Variants in R3HDM2 observed in about 807,000 individuals in gnomAD.
R3HDM2 encodes the protein R3H domain-containing protein 2.
A neutral mutation model predicts 124.5 loss-of-function variants in R3HDM2; 38 were observed. That is an observed-to-expected ratio of 0.31 (90% CI 0.24 to 0.40). The LOEUF is 0.40. Ranked by LOEUF, R3HDM2 falls within the 10% of genes least tolerant of loss-of-function variation. R3HDM2 has a pLI of 1.00. For synonymous variants in R3HDM2, 391 were observed against 448.0 expected, an observed-to-expected ratio of 0.87 and a Z score of 1.61; for missense variants, 869 against 1,236.9, an observed-to-expected ratio of 0.70 and a Z score of 4.46.
chr12:57,408,946 C>G (rs1427147491), intron 1 of R3HDM2, among the ~76,000 whole-genome samples: 1 of 151,570 alleles, frequency 6.6e-6, no homozygotes, highest in African/African-American at 2.4e-5. Context: ...TTCCACGATG[C>G]CTTTCTATAT....
chr12:57,280,240 G>A, intron 14 of R3HDM2, 118 bp downstream of exon 14: 2 of 1,060,200 alleles, frequency 1.9e-6, no homozygotes. Flanking sequence ...GGGGGAGAGA[G>A]TGGCATGTCT....
At chr12:57,305,155 A>T (rs1353789202) in intron 3 of R3HDM2, among the ~76,000 whole-genome samples, 1 of 152,236 alleles carries the variant, frequency 6.6e-6, no homozygotes. Context: ...ACTGCACTCC[A>T]GCCTGAGCAA....
chr12:57,347,769 C>A (rs1304858938), intron 2 of R3HDM2, among the ~76,000 whole-genome samples: 2 of 152,172 alleles, frequency 1.3e-5, no homozygotes, highest in African/African-American at 4.8e-5. Context: ...AATAATCTAA[C>A]TTTCCATCTT....
chr12:57,266,840 A>C lies in R3HDM2; in HGVS notation c.2031-9T>G. 1 of 1,564,114 alleles carries C rather than the reference A, an allele frequency of 6.4e-7. No homozygotes were observed. Among genetic ancestry groups the C allele is most frequent in the Non-Finnish European group, 8.8e-7 (1 of 1,137,896 alleles). On this transcript the variant is annotated splice_polypyrimidine_tract_variant and intron_variant, in intron 18 of 23. Coordinates refer to ENST00000402412, the MANE Select transcript of R3HDM2 (RefSeq NM_001394031.1). Reference sequence around the variant, plus strand: ...GAAACCCTACAGAAGGGCTGGGAAGACAGAGAAGAGAGGAGTGGTGAAGCA... The same window carrying C: ...GAAACCCTACAGAAGGGCTGGGAAGCCAGAGAAGAGAGGAGTGGTGAAGCA...
chr12:57,382,554 A>AG (rs1381140731), intron 2 of R3HDM2, among the ~76,000 whole-genome samples: 1 of 151,202 alleles, frequency 6.6e-6, no homozygotes, highest in African/African-American at 2.4e-5. Flanking sequence ...AAAAAAAAAA[A>AG]AAAAAAAAGG....
Position 57,268,586 on chromosome 12 carries a change from C to T in R3HDM2, c.1876-129G>A, listed in dbSNP as rs964568115. On this transcript the variant is annotated intron_variant, in intron 17 of 23. Transcript: ENST00000402412. Reference sequence around the variant, plus strand: ...TACCTTAGATCCTCCTCCTGTTTTCCCCATCTGCCTAAAGAAAATGTTTCC... The same window carrying T: ...TACCTTAGATCCTCCTCCTGTTTTCTCCATCTGCCTAAAGAAAATGTTTCC... 5 of 974,116 alleles carry T rather than the reference C, an allele frequency of 5.1e-6. No individual in the cohort carries two copies. In the African/African-American group the frequency reaches 6.5e-5, roughly 13 times the overall value. The allele number at this position is 974,116 out of a possible 1,614,324, so 60.3% of individuals were successfully genotyped here. A position where few individuals can be genotyped will look rare whatever the true frequency, so the allele number is the denominator to read the frequency against.
chr12:57,399,247 C>T (rs1025010466), intron 1 of R3HDM2, among the ~76,000 whole-genome samples: 1 of 151,870 alleles, frequency 6.6e-6, no homozygotes, highest in African/African-American at 2.4e-5. Flanking sequence ...ACTAAAAATA[C>T]AAAAATTAGC....
At chr12:57,292,697 A>C in intron 10 of R3HDM2, 30 bp from the exon 11 acceptor site, 1 of 1,452,494 alleles carries the variant, frequency 6.9e-7, no homozygotes, top group Non-Finnish European at 9.4e-7. Flanking sequence ...TAAGCTAGTT[A>C]AGTTCTCCTC....
intron 1 of R3HDM2, chr12:57,418,172 C>G: frequency 6.1e-6 from 6 of 985,406 alleles, no homozygotes; most frequent in Non-Finnish European, 7.2e-6. Context: ...ACCCAGTTTG[C>G]CCAAGACACA....
intron 1 of R3HDM2, among the ~76,000 whole-genome samples, chr12:57,416,422 A>G (rs912590262): frequency 6.6e-6 from 1 of 152,186 alleles, no homozygotes; most frequent in Non-Finnish European, 1.5e-5. Context: ...AAAATGTTGG[A>G]GCCAAAAAGA....
intron 1 of R3HDM2, among the ~76,000 whole-genome samples, chr12:57,408,214 A>G (rs1333506480): frequency 6.6e-6 from 1 of 152,172 alleles, no homozygotes; most frequent in East Asian, 1.9e-4. Context: ...TTCAGGTGCA[A>G]GCCACCATGC....
At chr12:57,363,492 G>A (rs1395988203) in intron 2 of R3HDM2, among the ~76,000 whole-genome samples, 1 of 152,108 alleles carries the variant, frequency 6.6e-6, no homozygotes, top group African/African-American at 2.4e-5. Context: ...AGCTAGATAG[G>A]AGGAATAAGT....
intron 3 of R3HDM2, among the ~76,000 whole-genome samples, chr12:57,307,659 C>T (rs1409813097): frequency 2.0e-5 from 3 of 148,202 alleles, no homozygotes; most frequent in Non-Finnish European, 3.0e-5. Flanking sequence ...CAGGGTCTCA[C>T]TCTGTCACCC....
At chr12:57,278,422 G>A (rs2045362390) in intron 14 of R3HDM2, among the ~76,000 whole-genome samples, 1 of 152,092 alleles carries the variant, frequency 6.6e-6, no homozygotes, top group Non-Finnish European at 1.5e-5. Context: ...GAGATTATAG[G>A]TGGAAGATGC....
chr12:57,285,647 C>A (rs993963141), intron 12 of R3HDM2, among the ~76,000 whole-genome samples: 1 of 152,160 alleles, frequency 6.6e-6, no homozygotes, highest in African/African-American at 2.4e-5. Flanking sequence ...ACAGCTACAT[C>A]TCAATGGACA....
Position 57,254,866 on chromosome 12 carries a change from G to A in R3HDM2, c.2880C>T (p.Ser960=), listed in dbSNP as rs369664591. ...GACTCACGGAGTTGTTGAGACGAAG[G>A]GAGGCATTTTGGGCAGCCAGGGGGC... The part of the protein sequence containing the change: ...FPSPLAAQNA[S]LRLNNSVSRF... Residue 960 remains serine, a synonymous_variant, in exon 24 of 24, where the codon TCC becomes TCT. Transcript: ENST00000402412. 1.9e-6 allele frequency: 3 copies of A among 1,613,846 alleles called. No individual in the cohort carries two copies. Among genetic ancestry groups the A allele is most frequent in the Non-Finnish European group, 1.7e-6 (2 of 1,179,886 alleles).
intron 19 of R3HDM2, among the ~76,000 whole-genome samples, chr12:57,259,354 T>C (rs530950303): frequency 6.6e-6 from 1 of 152,368 alleles, no homozygotes; most frequent in African/African-American, 2.4e-5. Flanking sequence ...CTGTCAACGC[T>C]GGCTATAACC....
intron 21 of R3HDM2, 50 bp from the exon 22 acceptor site, chr12:57,256,561 G>A (rs760421332): frequency 2.2e-6 from 3 of 1,388,444 alleles, no homozygotes; most frequent in Non-Finnish European, 3.0e-6. Context: ...TTCATAGTAT[G>A]ACTTTTATAA....
chr12:57,266,618 G>A, intron 19 of R3HDM2, 113 bp downstream of exon 19: 2 of 803,052 alleles, frequency 2.5e-6, no homozygotes, highest in East Asian at 2.8e-5. Flanking sequence ...AGTCACAGTG[G>A]GGACAGACCC....
Sources: gnomAD v4.1 joint callset for allele counts (sites outside exome capture counted in the v4.1 genomes callset) on GRCh38, gnomAD v4.1.1 for gene constraint, MANE v1.5 for transcripts, NCBI Gene and HGNC (gene_info 2026-07-23, HGNC 2026-07-21) for gene names.